Variants in ASTN2 observed in about 807,000 individuals in gnomAD.
ASTN2 encodes the protein astrotactin-2.
In ASTN2, 54 loss-of-function variants were observed where a neutral mutation model predicts 139.8. That is an observed-to-expected ratio of 0.39 (90% CI 0.31 to 0.48). ASTN2 has a LOEUF of 0.48. Among genes scored for constraint, ASTN2 ranks in the 20% least tolerant of loss-of-function variants. The probability of loss-of-function intolerance (pLI) is 0.95; values close to 1 mark genes in which losing one functional copy is unlikely to be tolerated. For missense variants in ASTN2, 1,565 were observed against 1,725.1 expected (o/e 0.91, Z 1.64); for synonymous variants, 756 against 719.5 (o/e 1.05, Z -0.81).
intron 13 of ASTN2, among the ~76,000 whole-genome samples, chr9:116,752,971 T>C (rs1829437364): frequency 6.6e-6 from 1 of 152,244 alleles, no homozygotes; most frequent in Admixed American, 6.5e-5. Flanking sequence ...CTTAAAAAGC[T>C]AAACAGTCTT....
intron 17 of ASTN2, among the ~76,000 whole-genome samples, chr9:116,632,656 T>A (rs1856865160): frequency 6.6e-6 from 1 of 152,156 alleles, no homozygotes; most frequent in South Asian, 2.1e-4. Context: ...TGTCACTGTA[T>A]CTTTGTACAT....
At chr9:117,364,588 G>A (rs529336319) in intron 1 of ASTN2, among the ~76,000 whole-genome samples, 67 of 152,254 alleles carry the variant, frequency 4.4e-4, no homozygotes, top group East Asian at 1.4e-3. Context: ...GCTGAAGAGC[G>A]GGGTTTAAAA....
chr9:117,220,858 G>A (rs1832491741), intron 2 of ASTN2, among the ~76,000 whole-genome samples: 2 of 152,216 alleles, frequency 1.3e-5, no homozygotes, highest in Non-Finnish European at 2.9e-5. Flanking sequence ...CCATTCAGCT[G>A]TCTAAGCTTG....
At chr9:116,855,982 G>C (rs572387443) in intron 11 of ASTN2, among the ~76,000 whole-genome samples, 1 of 151,980 alleles carries the variant, frequency 6.6e-6, no homozygotes, top group Admixed American at 6.6e-5. Context: ...TACTGATCAA[G>C]GTATTCAATA....
intron 4 of ASTN2, among the ~76,000 whole-genome samples, chr9:117,137,263 T>C (rs1487515468): frequency 6.6e-6 from 1 of 152,212 alleles, no homozygotes; most frequent in Non-Finnish European, 1.5e-5. Flanking sequence ...GGAGCTGCTT[T>C]TAACCATGTG....
chr9:116,956,722 C>T (rs1195975242), intron 10 of ASTN2, among the ~76,000 whole-genome samples: 5 of 151,954 alleles, frequency 3.3e-5, no homozygotes, highest in African/African-American at 7.2e-5. Context: ...TAAATAACTT[C>T]GGCAAGGTTG....
chr9:116,734,928 CATT>C (rs1219055105), intron 13 of ASTN2, among the ~76,000 whole-genome samples: 3 of 152,342 alleles, frequency 2.0e-5, no homozygotes, highest in South Asian at 2.1e-4. Flanking sequence ...TCATTATCAT[CATT>C]GTCTTTGTCA....
chr9:116,732,600 G>A (rs1261093494), intron 14 of ASTN2, among the ~76,000 whole-genome samples: 1 of 152,132 alleles, frequency 6.6e-6, no homozygotes, highest in East Asian at 1.9e-4. Flanking sequence ...AGGCAGAGTC[G>A]AGAACCTCAC....
chr9:117,390,422 C>G (rs1315420295), intron 1 of ASTN2, among the ~76,000 whole-genome samples: 1 of 152,092 alleles, frequency 6.6e-6, no homozygotes, highest in Non-Finnish European at 1.5e-5. Context: ...GACAAATATC[C>G]AGTAACAGAT....
rs537980306 is a variant in ASTN2, at chr9:117,070,060, A to G, written c.1276+25984T>C. Among the ~76,000 whole-genome samples the G allele has an allele frequency of 1.0e-4, 15 of 149,960 alleles. No individual in the cohort carries two copies. In the South Asian group the frequency reaches 3.3e-3, roughly 33 times the overall value. On this transcript the variant is annotated intron_variant, in intron 5 of 22. Transcript: ENST00000313400. ...AGTTTGATCCTGTCATTATGATGTT[A>G]GCTGGTGATTTTGCTCGTTAGTTGA...
intron 13 of ASTN2, among the ~76,000 whole-genome samples, chr9:116,757,692 T>C (rs948729236): frequency 1.3e-5 from 2 of 152,114 alleles, no homozygotes; most frequent in Non-Finnish European, 2.9e-5. Flanking sequence ...TATCATTAGT[T>C]GCTCCACAGA....
chr9:116,973,542 T>A (rs1836267840), intron 10 of ASTN2, among the ~76,000 whole-genome samples: 1 of 152,202 alleles, frequency 6.6e-6, no homozygotes, highest in Admixed American at 6.5e-5. Flanking sequence ...GGATGCAATG[T>A]CAACAGGACA....
chr9:116,537,372 A>C (rs1384792236), intron 19 of ASTN2, among the ~76,000 whole-genome samples: 1 of 152,250 alleles, frequency 6.6e-6, no homozygotes, highest in Non-Finnish European at 1.5e-5. Flanking sequence ...CAGAAATGCA[A>C]CTTTGGTTTC....
intron 2 of ASTN2, among the ~76,000 whole-genome samples, chr9:117,243,764 A>G (rs921876824): frequency 6.6e-6 from 1 of 152,150 alleles, no homozygotes; most frequent in African/African-American, 2.4e-5. Flanking sequence ...CCCATGATGT[A>G]CAGGGCAGGC....
chr9:116,523,004 C>T (rs1196440042), intron 19 of ASTN2, among the ~76,000 whole-genome samples: 4 of 152,106 alleles, frequency 2.6e-5, no homozygotes, highest in South Asian at 2.1e-4. Context: ...ATATGCCCTA[C>T]GAACCCACCA....
intron 4 of ASTN2, among the ~76,000 whole-genome samples, chr9:117,107,296 A>G (rs1357508604): frequency 1.3e-5 from 2 of 152,096 alleles, no homozygotes; most frequent in Non-Finnish European, 1.5e-5. Context: ...ACACATCCCT[A>G]TGCATCCCCA....
chr9:116,832,905 CTTCTT>C (rs1831860130), intron 11 of ASTN2, among the ~76,000 whole-genome samples: 5 of 149,844 alleles, frequency 3.3e-5, no homozygotes, highest in African/African-American at 7.4e-5. Flanking sequence ...AGTATTCTCT[CTTCTT>C]TAATTTTCTG....
chr9:116,909,888 A>T lies in ASTN2; in HGVS notation c.1890-46155T>A, dbSNP rs142486762. On this transcript the variant is annotated intron_variant, in intron 10 of 22. Transcript: ENST00000313400. ...CATTGGATTTGGCCAGATGGAGGTC[A>T]TTGGGAACATCAACGACGAGATTTT... Among the ~76,000 whole-genome samples, 667 of 152,344 alleles carry T rather than the reference A, an allele frequency of 4.4e-3. 2 individuals carry two copies. The highest frequency in any genetic ancestry group is 7.6e-3 in the Non-Finnish European group (520 of 68,034).
At chr9:117,169,920 C>T (rs939342076) in intron 3 of ASTN2, among the ~76,000 whole-genome samples, 7 of 152,130 alleles carry the variant, frequency 4.6e-5, no homozygotes, top group African/African-American at 1.7e-4. Context: ...CAGAGTACTT[C>T]CTCTTAGGAG....
Sources: allele counts gnomAD v4.1 joint callset (sites outside exome capture counted in the v4.1 genomes callset), GRCh38; gene constraint gnomAD v4.1.1; transcripts MANE v1.5; gene names NCBI Gene and HGNC (gene_info 2026-07-23, HGNC 2026-07-21).